The following PIWIL3 variants were observed in gnomAD, a reference collection of about 807,000 sequenced individuals.
The protein encoded by PIWIL3 is piwi like RNA-mediated gene silencing 3.
In PIWIL3, 101 loss-of-function variants were observed where a neutral mutation model predicts 109.7. That is an observed-to-expected ratio of 0.92 (90% confidence interval 0.78 to 1.09). The LOEUF (loss-of-function observed/expected upper bound fraction) is 1.09, where lower values mean the gene tolerates loss of function less well. PIWIL3 is among the 50% of genes least tolerant of loss of function. The pLI is 0.00. For synonymous variants in PIWIL3, 373 were observed against 376.4 expected (o/e 0.99, Z 0.10); for missense variants, 1,031 against 1,072.6 (o/e 0.96, Z 0.54).
At chr22:24,740,273 G>T (rs1188104496) in intron 12 of PIWIL3, among the ~76,000 whole-genome samples, 1 of 145,122 alleles carries the variant, frequency 6.9e-6, no homozygotes, top group Non-Finnish European at 1.5e-5. Flanking sequence ...GGGAGGCTGG[G>T]CACAATGGCC....
chr22:24,761,691 T>C (rs142404044), intron 2 of PIWIL3, among the ~76,000 whole-genome samples: 6 of 151,820 alleles, frequency 4.0e-5, no homozygotes, highest in African/African-American at 1.4e-4. Flanking sequence ...GGCTGGACTA[T>C]GGGTTCAGAT....
At chr22:24,759,213 C>T (rs1410853200) in intron 3 of PIWIL3, among the ~76,000 whole-genome samples, 1 of 152,250 alleles carries the variant, frequency 6.6e-6, no homozygotes. Context: ...TATTTAATAA[C>T]AACCCTTCAG....
intron 14 of PIWIL3, among the ~76,000 whole-genome samples, chr22:24,732,722 C>T (rs1923427009): frequency 6.6e-6 from 1 of 152,070 alleles, no homozygotes; most frequent in African/African-American, 2.4e-5. Flanking sequence ...ACTCGGGAGG[C>T]TGAGGCAGGA....
intron 12 of PIWIL3, among the ~76,000 whole-genome samples, chr22:24,744,556 G>C (rs531333840): frequency 6.6e-6 from 1 of 152,200 alleles, no homozygotes; most frequent in East Asian, 1.9e-4. Context: ...CTGGGCGACA[G>C]AGCAAGACTC....
chr22:24,771,267 C>G (rs1158024813), intron 1 of PIWIL3, among the ~76,000 whole-genome samples: 1 of 151,842 alleles, frequency 6.6e-6, no homozygotes, highest in Non-Finnish European at 1.5e-5. Context: ...TCGAGACCAT[C>G]CTGGCTACCA....
At chr22:24,738,417 G>A (rs968092599) in intron 12 of PIWIL3, among the ~76,000 whole-genome samples, 2 of 152,386 alleles carry the variant, frequency 1.3e-5, no homozygotes, top group South Asian at 4.1e-4. Context: ...TGGTAGCCTG[G>A]TGGTGGTCAC....
intron 3 of PIWIL3, among the ~76,000 whole-genome samples, chr22:24,759,017 C>A (rs1925256449): frequency 6.6e-6 from 1 of 152,186 alleles, no homozygotes; most frequent in Non-Finnish European, 1.5e-5. Context: ...CCTCAGCCTC[C>A]CTAGTAGCTG....
chr22:24,772,958 T>G (rs1243960033), intron 1 of PIWIL3, among the ~76,000 whole-genome samples: 2 of 152,140 alleles, frequency 1.3e-5, no homozygotes, highest in African/African-American at 4.8e-5. Context: ...CAGGCCTCCC[T>G]GGGTGCTGGG....
intron 3 of PIWIL3, among the ~76,000 whole-genome samples, chr22:24,758,639 G>A (rs770771294): frequency 6.6e-6 from 1 of 152,190 alleles, no homozygotes; most frequent in Non-Finnish European, 1.5e-5. Context: ...TGGCCAAGAC[G>A]TCTGTGCCTT....
intron 1 of PIWIL3, chr22:24,769,887 T>C (rs889396208): frequency 6.6e-6 from 1 of 152,144 alleles, no homozygotes; most frequent in African/African-American, 2.4e-5. Context: ...TATCTCATAA[T>C]GTTTTAAGAA....
At chr22:24,740,986 T>A (rs1247348963) in intron 12 of PIWIL3, among the ~76,000 whole-genome samples, 1 of 152,076 alleles carries the variant, frequency 6.6e-6, no homozygotes, top group Non-Finnish European at 1.5e-5. Context: ...ATCTTCCTGG[T>A]GAACATAGAT....
chr22:24,733,276 A>G (rs938510062), intron 14 of PIWIL3, among the ~76,000 whole-genome samples: 1 of 152,248 alleles, frequency 6.6e-6, no homozygotes, highest in Non-Finnish European at 1.5e-5. Context: ...AAGAAGATGA[A>G]CTAGTGTAAA....
intron 11 of PIWIL3, 116 bp from the exon 12 acceptor site, chr22:24,749,137 A>G: frequency 1.1e-6 from 1 of 875,810 alleles, no homozygotes; most frequent in Non-Finnish European, 1.7e-6. Context: ...CGCAGCATTG[A>G]GATGCGGCAG....
At chr22:24,720,479 G>C (rs2147640793) in intron 19 of PIWIL3, among the ~76,000 whole-genome samples, 1 of 151,956 alleles carries the variant, frequency 6.6e-6, no homozygotes, top group Middle Eastern at 3.4e-3. Flanking sequence ...CACCGTGTTA[G>C]CCAGGATGGT....
chr22:24,772,021 T>C (rs1926163715), intron 1 of PIWIL3, among the ~76,000 whole-genome samples: 1 of 152,188 alleles, frequency 6.6e-6, no homozygotes, highest in Non-Finnish European at 1.5e-5. Context: ...CAAGCTATAG[T>C]GCTCAGTTGG....
intron 8 of PIWIL3, 76 bp downstream of exon 8, chr22:24,753,938 A>G: frequency 2.4e-6 from 3 of 1,271,198 alleles, no homozygotes; most frequent in Non-Finnish European, 3.3e-6. Context: ...GTGATTAGAA[A>G]ACTATAGGAC....
chr22:24,738,857 G>A (rs1253874694), intron 12 of PIWIL3, among the ~76,000 whole-genome samples: 1 of 151,944 alleles, frequency 6.6e-6, no homozygotes, highest in South Asian at 2.1e-4. Flanking sequence ...AGGAAAACAC[G>A]GACCTCAGAA....
chr22:24,726,503 T>C (rs1923005721), intron 16 of PIWIL3, among the ~76,000 whole-genome samples: 2 of 152,156 alleles, frequency 1.3e-5, no homozygotes, highest in African/African-American at 4.8e-5. Flanking sequence ...GCCAGTATGG[T>C]CTCGATCTCC....
rs967234907 is a variant in PIWIL3, at chr22:24,734,299, A to G, written c.1635-143T>C. ...AGAAAGTATGTTTAAAAGAAAAAAG[A>G]CAGTAGACTTTCAGTTTCCGATTCT... On this transcript the variant is annotated intron_variant, in intron 13 of 20. Transcript: ENST00000616349. The G allele has an allele frequency of 9.1e-6, 12 of 1,323,496 alleles. No homozygotes were observed. The African/African-American group carries it at 1.6e-4, about 18-fold the overall frequency. 82.0% of individuals were successfully genotyped at this position (1,323,496 alleles called of 1,614,324 possible).
Sources: gnomAD v4.1 joint callset for allele counts (sites outside exome capture counted in the v4.1 genomes callset) on GRCh38, gnomAD v4.1.1 for gene constraint, MANE v1.5 for transcripts, NCBI Gene and HGNC (gene_info 2026-07-23, HGNC 2026-07-21) for gene names.